The following TMEM132C variants were observed in gnomAD, a reference collection of about 807,000 sequenced individuals.
TMEM132C encodes protein phosphatase 1, regulatory subunit 152.
Under a neutral mutation model 61.4 loss-of-function variants are expected in TMEM132C, and 29 were observed. That is an observed-to-expected ratio of 0.47 (90% confidence interval 0.35 to 0.64). The LOEUF (loss-of-function observed/expected upper bound fraction) is 0.64. Ranked by LOEUF, TMEM132C falls within the 30% of genes least tolerant of loss-of-function variation. The probability of loss-of-function intolerance (pLI) is 0.00; values close to 1 mark genes in which losing one functional copy is unlikely to be tolerated. For synonymous variants in TMEM132C, 656 were observed against 633.1 expected (o/e 1.04, Z -0.54); for missense variants, 1,408 against 1,476.9 (o/e 0.95, Z 0.76).
At chr12:128,496,955 TTG>T (rs1200812134) in intron 2 of TMEM132C, among the ~76,000 whole-genome samples, 1 of 152,216 alleles carries the variant, frequency 6.6e-6, no homozygotes, top group Non-Finnish European at 1.5e-5. Context: ...TTCCCGATCT[TTG>T]TGGTTTTATC....
At chr12:128,268,107 C>T (rs1393254846) in intron 1 of TMEM132C, among the ~76,000 whole-genome samples, 4 of 152,178 alleles carry the variant, frequency 2.6e-5, no homozygotes, top group Admixed American at 6.5e-5. Context: ...TCAAATGAGT[C>T]CTTTGCGGTG....
intron 4 of TMEM132C, among the ~76,000 whole-genome samples, chr12:128,656,891 T>C (rs1160696458): frequency 6.6e-6 from 1 of 152,214 alleles, no homozygotes; most frequent in Non-Finnish European, 1.5e-5. Flanking sequence ...CTTGCTCTAT[T>C]TCCTCCAGAT....
At chr12:128,457,020 T>C (rs1870369290) in intron 2 of TMEM132C, among the ~76,000 whole-genome samples, 1 of 152,210 alleles carries the variant, frequency 6.6e-6, no homozygotes, top group African/African-American at 2.4e-5. Flanking sequence ...CACTTCCTTA[T>C]ATGAATACAC....
intron 5 of TMEM132C, among the ~76,000 whole-genome samples, chr12:128,670,324 A>T (rs140392338): frequency 9.5e-4 from 145 of 152,300 alleles, no homozygotes; most frequent in Non-Finnish European, 1.8e-3. Flanking sequence ...ATATATATAT[A>T]TGTTATTAGT....
At chr12:128,457,000 T>C (rs1453740945) in intron 2 of TMEM132C, among the ~76,000 whole-genome samples, 1 of 152,230 alleles carries the variant, frequency 6.6e-6, no homozygotes, top group Non-Finnish European at 1.5e-5. Context: ...CATTCCTCTA[T>C]TGCAGAGCTC....
chr12:128,571,700 G>A (rs547348570), intron 3 of TMEM132C, among the ~76,000 whole-genome samples: 1 of 152,198 alleles, frequency 6.6e-6, no homozygotes, highest in Admixed American at 6.5e-5. Context: ...GGTTATAGGA[G>A]ACAGAAAATC....
intron 3 of TMEM132C, among the ~76,000 whole-genome samples, chr12:128,583,475 C>G (rs926313117): frequency 5.9e-5 from 9 of 152,080 alleles, no homozygotes. Context: ...AAGAGTTCTC[C>G]GCCTACAGCA....
rs140621674 is a variant in TMEM132C, at chr12:128,358,570, C to T, written c.86-56162C>T. ...AACTTCCTAAAGAACCAGTACGTGG[C>T]GTGATAGTTTTAGGAGCTAAGTGTC... On this transcript the variant is annotated intron_variant, in intron 1 of 8. Transcript: ENST00000435159. Among the ~76,000 whole-genome samples, 1,217 of 150,174 alleles carry T rather than the reference C, an allele frequency of 8.1e-3. 8 individuals carry two copies. Among genetic ancestry groups the T allele is most frequent in the Non-Finnish European group, 0.012 (821 of 67,780 alleles).
At chr12:128,451,535 G>T (rs1226753022) in intron 2 of TMEM132C, among the ~76,000 whole-genome samples, 1 of 152,148 alleles carries the variant, frequency 6.6e-6, no homozygotes, top group Non-Finnish European at 1.5e-5. Context: ...ATTCCAATGT[G>T]CAGGGCCACT....
intron 1 of TMEM132C, among the ~76,000 whole-genome samples, chr12:128,382,556 G>A (rs931116461): frequency 2.0e-5 from 3 of 152,030 alleles, no homozygotes; most frequent in Admixed American, 1.3e-4. Flanking sequence ...TCTTTTTATT[G>A]TTTTTTTATG....
rs949703734 is a variant in TMEM132C, at chr12:128,667,563, T to C, written c.1306-1854T>C. On this transcript the variant is annotated intron_variant, in intron 4 of 8. Coordinates refer to ENST00000435159, the MANE Select transcript of TMEM132C (RefSeq NM_001136103.3). ...CTCTACTTAAAACTCATAACTCTTT[T>C]AGCTGCGCCCTTGTTTAATGCAAAA... 1.3e-5 allele frequency among the ~76,000 whole-genome samples: 2 copies of C among 152,196 alleles called. 1 individual carries two copies. The highest frequency in any genetic ancestry group is 1.3e-4 in the Admixed American group (2 of 15,280).
rs180866895 is a variant in TMEM132C at position 128,640,845 on chromosome 12, C to A, written c.1305+24510C>A. ...GGGCCGCAGTGAGCCATGATTACAG[C>A]ACTGCACTGCAGCCTGGGTGACAGA... On this transcript the variant is annotated intron_variant, in intron 4 of 8. Coordinates refer to ENST00000435159, the MANE Select transcript of TMEM132C (RefSeq NM_001136103.3). 2.0e-3 allele frequency among the ~76,000 whole-genome samples: 310 copies of A among 152,296 alleles called. 4 individuals carry two copies. The highest frequency in any genetic ancestry group is 9.3e-4 in the Non-Finnish European group (63 of 68,028).
intron 1 of TMEM132C, among the ~76,000 whole-genome samples, chr12:128,406,582 C>A (rs1479454030): frequency 6.6e-6 from 1 of 152,028 alleles, no homozygotes; most frequent in African/African-American, 2.4e-5. Context: ...GATCTGGGAA[C>A]CGAATGGAAA....
In TMEM132C at chr12:128,706,230, G is replaced by C. The variant is rs1954839431; in HGVS notation, c.3262G>C (p.Asp1088His). ...NDEDIKWVCQ[D>H]VAVGAPKELR... ...TGAGGACATCAAATGGGTGTGTCAA[G>C]ACGTGGCTGTGGGTGCCCCCAAGGA... is the stretch of plus-strand genomic sequence containing the variant. Residue 1088 changes from aspartate to histidine, a missense_variant, in exon 9 of 9, where the codon GAC (aspartate) becomes CAC (histidine). By Grantham distance (81) the Asp-to-His change is moderately conservative. Transcript: ENST00000435159. 2.6e-6 allele frequency: 4 copies of C among 1,551,642 alleles called. No individual in the cohort carries two copies. Among genetic ancestry groups the C allele is most frequent in the Non-Finnish European group, 3.5e-6 (4 of 1,147,010 alleles).
chr12:128,440,204 A>G (rs577269846), intron 2 of TMEM132C, among the ~76,000 whole-genome samples: 1 of 152,330 alleles, frequency 6.6e-6, no homozygotes, highest in Non-Finnish European at 1.5e-5. Context: ...AAAGGTCACA[A>G]CTAGTGGCTT....
chr12:128,409,904 C>A (rs1386225394), intron 1 of TMEM132C, among the ~76,000 whole-genome samples: 15 of 152,132 alleles, frequency 9.9e-5, no homozygotes, highest in Admixed American at 9.8e-4. Context: ...ACGATGATGA[C>A]AAGATAGTGT....
intron 2 of TMEM132C, among the ~76,000 whole-genome samples, chr12:128,525,761 T>C (rs559430310): frequency 2.0e-5 from 3 of 152,282 alleles, no homozygotes; most frequent in Non-Finnish European, 2.9e-5. Flanking sequence ...CCTGGGGATG[T>C]GTTAGCCTTC....
intron 2 of TMEM132C, among the ~76,000 whole-genome samples, chr12:128,452,231 C>T (rs1041696806): frequency 2.6e-5 from 4 of 151,850 alleles, no homozygotes; most frequent in South Asian, 2.1e-4. Flanking sequence ...AGTAATAGCT[C>T]GAACTACAGG....
chr12:128,276,192 G>GT (rs1310521958), intron 1 of TMEM132C, among the ~76,000 whole-genome samples: 1 of 152,168 alleles, frequency 6.6e-6, no homozygotes, highest in Non-Finnish European at 1.5e-5. Flanking sequence ...ATTGCATGCG[G>GT]TAAGACTTGG....
Sources: gnomAD v4.1 joint callset for allele counts (sites outside exome capture counted in the v4.1 genomes callset) on GRCh38, gnomAD v4.1.1 for gene constraint, MANE v1.5 for transcripts, NCBI Gene and HGNC (gene_info 2026-07-23, HGNC 2026-07-21) for gene names.